Variants in PTDSS2 observed in about 807,000 individuals in gnomAD.
The protein encoded by PTDSS2 is phosphatidylserine synthase 2, also known as PSS-2.
In PTDSS2, 41 loss-of-function variants were observed where a neutral mutation model predicts 64.7. That is an observed-to-expected ratio of 0.63 (90% CI 0.49 to 0.82). The LOEUF is 0.82. Ranked by LOEUF, PTDSS2 falls within the 40% of genes least tolerant of loss-of-function variation. PTDSS2 has a pLI of 0.00. For missense variants in PTDSS2, 485 were observed against 650.0 expected (o/e 0.75, Z 2.76); for synonymous variants, 297 against 277.8 (o/e 1.07, Z -0.69).
In PTDSS2 at chr11:462,139, C is replaced by T. The variant is rs1191741696; in HGVS notation, c.284+1851C>T. Among the ~76,000 whole-genome samples, 1 of 152,056 alleles carries T rather than the reference C, an allele frequency of 6.6e-6. No individual in the cohort carries two copies. Among genetic ancestry groups the T allele is most frequent in the African/African-American group, 2.4e-5 (1 of 41,408 alleles). Reference sequence around the variant, plus strand: ...AAGCATTCACCAGGCCCCCACCAGGCGCATCACAAAGCCTCACCACCCCAA... The same window carrying T: ...AAGCATTCACCAGGCCCCCACCAGGTGCATCACAAAGCCTCACCACCCCAA... On this transcript the variant is annotated intron_variant, in intron 2 of 11. Coordinates refer to ENST00000308020, the MANE Select transcript of PTDSS2 (RefSeq NM_030783.3). The surrounding 1 kb of genome is among the most constrained non-coding windows in gnomAD (Gnocchi z 4.5).
At position 462,518 on chromosome 11, in the gene PTDSS2, C is replaced by T. The variant is rs1846939054; in HGVS notation, c.284+2230C>T. 6.6e-6 allele frequency among the ~76,000 whole-genome samples: 1 copy of T among 152,250 alleles called. No individual in the cohort carries two copies. Among genetic ancestry groups the T allele is most frequent in the African/African-American group, 2.4e-5 (1 of 41,472 alleles). ...GAGGGCACAAAAGAAGCCACCTGTC[C>T]TTCTCTGCTGCTGGCACCTAGAACC... On this transcript the variant is annotated intron_variant, in intron 2 of 11. Coordinates refer to ENST00000308020, the MANE Select transcript of PTDSS2 (RefSeq NM_030783.3). The surrounding 1 kb of genome is among the most constrained non-coding windows in gnomAD (Gnocchi z 4.5).
chr11:487,241 G>T, intron 5 of PTDSS2, 168 bp downstream of exon 5: 1 of 946,626 alleles, frequency 1.1e-6, no homozygotes, highest in East Asian at 2.5e-5. Flanking sequence ...GGTGGGCAGG[G>T]GGCCCCTGCT....
Position 488,591 on chromosome 11 carries a change from GTGGC to G in PTDSS2, c.801_804del (p.Trp267CysfsTer3), listed in dbSNP as rs750089241. 1 of 1,613,522 alleles carries G rather than the reference GTGGC, an allele frequency of 6.2e-7. No individual in the cohort carries two copies. The highest frequency in any genetic ancestry group is 1.1e-5 in the South Asian group (1 of 91,086). On this transcript the variant is annotated frameshift_variant, in exon 8 of 12. Coordinates refer to ENST00000308020, the MANE Select transcript of PTDSS2 (RefSeq NM_030783.3). LOFTEE classifies it high-confidence loss of function. Reference sequence around the variant, plus strand: ...TCTACTGCGGCATGAAGACCCTTGAGTGGCTGTCCCTGAAGACGTACAAGTGGCA... The same window carrying G: ...TCTACTGCGGCATGAAGACCCTTGAGTGTCCCTGAAGACGTACAAGTGGCA...
intron 1 of PTDSS2, among the ~76,000 whole-genome samples, chr11:454,247 T>C (rs1222772770): frequency 2.0e-5 from 3 of 152,190 alleles, no homozygotes; most frequent in African/African-American, 7.2e-5. Context: ...TCTGCCTCCC[T>C]TCCTGTTGGG....
chr11:460,024 C>T lies in PTDSS2; in HGVS notation c.183-163C>T, dbSNP rs1396505856. 8.1e-6 allele frequency: 5 copies of T among 618,264 alleles called. No homozygotes were observed. The highest frequency in any genetic ancestry group is 1.8e-5 in the South Asian group (1 of 54,624). 38.3% of individuals were successfully genotyped at this position (618,264 alleles called of 1,614,324 possible). A position where few individuals can be genotyped will look rare whatever the true frequency, so the allele number is the denominator to read the frequency against. ...CTGGCCAGCAGACGCAGGGTCATCT[C>T]GGAGTTACCCAGCTAGGGACTCGCA... On this transcript the variant is annotated intron_variant, in intron 1 of 11. Transcript: ENST00000308020. The surrounding 1 kb of genome is among the most constrained non-coding windows in gnomAD (Gnocchi z 5.8).
intron 1 of PTDSS2, among the ~76,000 whole-genome samples, chr11:453,017 C>T (rs996032295): frequency 3.9e-5 from 6 of 152,052 alleles, no homozygotes; most frequent in Admixed American, 6.6e-5. Flanking sequence ...AGGCATGCAC[C>T]ACCACATCCA....
chr11:477,111 C>T (rs2133811688), intron 3 of PTDSS2, among the ~76,000 whole-genome samples: 1 of 152,294 alleles, frequency 6.6e-6, no homozygotes, highest in South Asian at 2.1e-4. Context: ...CAGGAATGCC[C>T]AGTCCGGCAG....
At position 479,053 on chromosome 11, in the gene PTDSS2, G is replaced by A; in HGVS notation, c.368-32G>A. Reference sequence around the variant, plus strand: ...GCGGGGCCGTGGAGGCCTGGACCGGGCGCACTAACGTTCTGTCGTCTGTCT... The same window carrying A: ...GCGGGGCCGTGGAGGCCTGGACCGGACGCACTAACGTTCTGTCGTCTGTCT... On this transcript the variant is annotated intron_variant, in intron 3 of 11. Transcript: ENST00000308020. The surrounding 1 kb of genome is among the most constrained non-coding windows in gnomAD (Gnocchi z 4.2). 6.2e-7 allele frequency: 1 copy of A among 1,601,804 alleles called. No individual in the cohort carries two copies. The highest frequency in any genetic ancestry group is 8.6e-7 in the Non-Finnish European group (1 of 1,168,720).
intron 4 of PTDSS2, among the ~76,000 whole-genome samples, chr11:482,512 C>T (rs1406410827): frequency 6.6e-6 from 1 of 152,118 alleles, no homozygotes; most frequent in African/African-American, 2.4e-5. Context: ...TGAGGTTTCG[C>T]CATGTTGGCC....
chr11:450,783 G>GC, intron 1 of PTDSS2, 146 bp downstream of exon 1: 3 of 735,302 alleles, frequency 4.1e-6, no homozygotes, highest in Non-Finnish European at 5.6e-6. Flanking sequence ...TGGCAGCACC[G>GC]CCCCCCGGGT....
At position 462,092 on chromosome 11, in the gene PTDSS2, G is replaced by A. The variant is rs189251234; in HGVS notation, c.284+1804G>A. 1.3e-5 allele frequency among the ~76,000 whole-genome samples: 2 copies of A among 152,138 alleles called. No individual in the cohort carries two copies. Among genetic ancestry groups the A allele is most frequent in the African/African-American group, 4.8e-5 (2 of 41,434 alleles). ...ATTGTCAAGAGCAGGAGTGCAGGGG[G>A]TGTCTTGGGAGCACTCCCCGAAAGC... On this transcript the variant is annotated intron_variant, in intron 2 of 11. Transcript: ENST00000308020. The surrounding 1 kb of genome is among the most constrained non-coding windows in gnomAD (Gnocchi z 4.5).
intron 4 of PTDSS2, among the ~76,000 whole-genome samples, chr11:485,626 AAAC>A (rs1452088226): frequency 1.7e-5 from 2 of 120,830 alleles, no homozygotes; most frequent in African/African-American, 6.5e-5. Flanking sequence ...AGGCGAGTGT[AAAC>A]AGTGCACGGG....
intron 4 of PTDSS2, among the ~76,000 whole-genome samples, chr11:484,005 G>T (rs560144422): frequency 6.6e-6 from 1 of 152,178 alleles, no homozygotes; most frequent in Non-Finnish European, 1.5e-5. Flanking sequence ...GGGGAGTTTC[G>T]TTGCCCCCCT....
In PTDSS2 at chr11:476,748, G is replaced by A. The variant is rs1012565454; in HGVS notation, c.368-2337G>A. ...CGCGGCGTCTCTTGAGTTGTGGCTC[G>A]TCCCCTCCCACTGGGCAGGACTGGG... On this transcript the variant is annotated intron_variant, in intron 3 of 11. Coordinates refer to ENST00000308020, the MANE Select transcript of PTDSS2 (RefSeq NM_030783.3). This position sits in a 1 kb window ranked among gnomAD's most constrained non-coding sequence, Gnocchi z 4.9. Among the ~76,000 whole-genome samples, 6 of 151,526 alleles carry A rather than the reference G, an allele frequency of 4.0e-5. No homozygotes were observed. In the East Asian group the frequency reaches 5.8e-4, roughly 15 times the overall value.
At chr11:466,401 C>CTTTT (rs1226254389) in intron 2 of PTDSS2, among the ~76,000 whole-genome samples, 165 of 120,776 alleles carry the variant, frequency 1.4e-3, no homozygotes, top group African/African-American at 4.9e-3. Context: ...AACTGCCACT[C>CTTTT]TTTTTTTTTT....
In PTDSS2 at chr11:479,358, C is replaced by A; in HGVS notation, c.435+206C>A. ...ATGGGGGGCAGCAAAGCTAGACCTT[C>A]AAAACGTAGGCCGAGCTGCGGGGGG... On this transcript the variant is annotated intron_variant, in intron 4 of 11. Transcript: ENST00000308020. This position sits in a 1 kb window ranked among gnomAD's most constrained non-coding sequence, Gnocchi z 4.2. 1 of 618,510 alleles carries A rather than the reference C, an allele frequency of 1.6e-6. No homozygotes were observed. The highest frequency in any genetic ancestry group is 1.9e-5 in the South Asian group (1 of 52,706). 38.3% of individuals were successfully genotyped at this position (618,510 alleles called of 1,614,324 possible). A position where few individuals can be genotyped will look rare whatever the true frequency, so the allele number is the denominator to read the frequency against.
Position 490,865 on chromosome 11 carries a change from G to A in PTDSS2, c.*283G>A, listed in dbSNP as rs544015983. Reference sequence around the variant, plus strand: ...GGTGTGCACGTGTGCTCTGGGCTCCGAGGCTTCTCCAGAGCTGGGAGCTGG... The same window carrying A: ...GGTGTGCACGTGTGCTCTGGGCTCCAAGGCTTCTCCAGAGCTGGGAGCTGG... On this transcript the variant is annotated 3_prime_UTR_variant, in exon 12 of 12. Coordinates refer to ENST00000308020, the MANE Select transcript of PTDSS2 (RefSeq NM_030783.3). 1.6e-5 allele frequency: 7 copies of A among 429,916 alleles called. No homozygotes were observed. The highest frequency in any genetic ancestry group is 3.6e-5 in the South Asian group (1 of 27,594). 26.6% of individuals were successfully genotyped at this position (429,916 alleles called of 1,614,324 possible). A position where few individuals can be genotyped will look rare whatever the true frequency, so the allele number is the denominator to read the frequency against.
At chr11:473,366 C>G (rs1053183200) in intron 2 of PTDSS2, among the ~76,000 whole-genome samples, 1 of 152,190 alleles carries the variant, frequency 6.6e-6, no homozygotes, top group Non-Finnish European at 1.5e-5. Context: ...GGGGTCCTGC[C>G]GCGTTGGAGC....
chr11:450,594 A>G lies in PTDSS2; in HGVS notation c.139A>G (p.Thr47Ala). 1 of 1,243,688 alleles carries G rather than the reference A, an allele frequency of 8.0e-7. No individual in the cohort carries two copies. The highest frequency in any genetic ancestry group is 1.0e-6 in the Non-Finnish European group (1 of 986,362). The allele number at this position is 1,243,688 out of a possible 1,614,324, so 77.0% of individuals were successfully genotyped here. ...CGGGCCGGGCGAGGGCCGCCGCAGC[A>G]CCGAGTCCGAGGTCTACGACGACGG... Reference protein sequence around the residue: ...ATGPGEGRRSTESEVYDDGTN... With the variant: ...ATGPGEGRRSAESEVYDDGTN... Residue 47 changes from threonine (T) to alanine (A), a missense_variant, in exon 1 of 12, where the codon ACC becomes GCC. Coordinates refer to ENST00000308020, the MANE Select transcript of PTDSS2 (RefSeq NM_030783.3).
Sources: allele counts gnomAD v4.1 joint callset (sites outside exome capture counted in the v4.1 genomes callset), GRCh38; gene constraint gnomAD v4.1.1; non-coding constraint Gnocchi (gnomAD v3.1); transcripts MANE v1.5; gene names NCBI Gene and HGNC (gene_info 2026-07-23, HGNC 2026-07-21).